INPP5B: variants seen among roughly 807,000 people sequenced by gnomAD.
INPP5B encodes type II inositol 1,4,5-trisphosphate 5-phosphatase.
A neutral mutation model predicts 118.5 loss-of-function variants in INPP5B; 90 were observed. That is an observed-to-expected ratio of 0.76 (90% CI 0.64 to 0.90). INPP5B has a LOEUF of 0.90. Ranked by LOEUF, INPP5B falls within the 40% of genes least tolerant of loss-of-function variation. INPP5B has a pLI of 0.00. For missense variants in INPP5B, 984 were observed against 1,125.6 expected (o/e 0.87, Z 1.80); for synonymous variants, 385 against 418.9 (o/e 0.92, Z 0.99).
rs1644537558 is a variant in INPP5B at position 37,907,414 on chromosome 1, A to G, written c.533-15960T>C. Among the ~76,000 whole-genome samples, 1 of 152,206 alleles carries G rather than the reference A, an allele frequency of 6.6e-6. No individual in the cohort carries two copies. On this transcript the variant is annotated intron_variant, in intron 7 of 23. Coordinates refer to ENST00000373024, the MANE Select transcript of INPP5B (RefSeq NM_005540.3). The surrounding 1 kb of genome is among the most constrained non-coding windows in gnomAD (Gnocchi z 4.3). ...CCTATTCAGCATGAAGAAGTTACAG[A>G]AGATGGATTTTCATCCCTTTGCAAC...
intron 19 of INPP5B, among the ~76,000 whole-genome samples, chr1:37,870,389 T>C (rs766823780): frequency 1.3e-5 from 2 of 152,212 alleles, no homozygotes; most frequent in Non-Finnish European, 2.9e-5. Context: ...AGGATTACAA[T>C]TGTGAGTCAC....
intron 7 of INPP5B, among the ~76,000 whole-genome samples, chr1:37,921,466 C>A (rs1645050357): frequency 6.6e-6 from 1 of 152,146 alleles, no homozygotes; most frequent in Non-Finnish European, 1.5e-5. Flanking sequence ...AGTTAAATAA[C>A]CATGTTTAGT....
At position 37,875,735 on chromosome 1, in the gene INPP5B, A is replaced by G. The variant is rs1169004578; in HGVS notation, c.1678-19T>C. On this transcript the variant is annotated intron_variant, in intron 16 of 23. Coordinates refer to ENST00000373024, the MANE Select transcript of INPP5B (RefSeq NM_005540.3). ...CCCTCACCTGAAAGGGAAACATCAG[A>G]GACTGAGTACCTTGGCTTCTGCCCA... The G allele has an allele frequency of 1.9e-6, 3 of 1,577,706 alleles. No homozygotes were observed. In the East Asian group the frequency reaches 6.7e-5, roughly 35 times the overall value.
intron 6 of INPP5B, among the ~76,000 whole-genome samples, chr1:37,938,270 AAAATAAATAAAT>A (rs71057106): frequency 8.4e-6 from 1 of 118,750 alleles, no homozygotes; most frequent in Non-Finnish European, 2.0e-5. Flanking sequence ...CTCTGTCTCA[AAAATAAATAAAT>A]AAATAAATAA....
chr1:37,895,073 A>C (rs569704260), intron 7 of INPP5B, among the ~76,000 whole-genome samples: 20 of 152,346 alleles, frequency 1.3e-4, no homozygotes, highest in African/African-American at 4.3e-4. Flanking sequence ...TCACTGAGCT[A>C]TAATAAAGCT....
intron 7 of INPP5B, among the ~76,000 whole-genome samples, chr1:37,899,446 C>T (rs1166947867): frequency 1.3e-5 from 2 of 151,770 alleles, no homozygotes; most frequent in Non-Finnish European, 2.9e-5. Context: ...CCTGTAATCC[C>T]AGCTACTCAG....
intron 7 of INPP5B, chr1:37,929,935 T>C (rs1018110072): frequency 6.6e-6 from 1 of 152,286 alleles, no homozygotes; most frequent in African/African-American, 2.4e-5. Flanking sequence ...AGTTTCGCCA[T>C]GTTGGCCAGG....
At chr1:37,942,941 G>A (rs1645986493) in intron 5 of INPP5B, among the ~76,000 whole-genome samples, 2 of 148,692 alleles carry the variant, frequency 1.3e-5, no homozygotes, top group Admixed American at 1.3e-4. Context: ...GGAAGGGAGG[G>A]AGGGAGGGAC....
At chr1:37,889,261 A>G (rs2148516243) in intron 9 of INPP5B, among the ~76,000 whole-genome samples, 1 of 152,270 alleles carries the variant, frequency 6.6e-6, no homozygotes, top group South Asian at 2.1e-4. Context: ...TAAATAAATA[A>G]AAGAATCAGG....
intron 6 of INPP5B, among the ~76,000 whole-genome samples, chr1:37,935,109 G>A (rs545602128): frequency 2.7e-4 from 40 of 149,102 alleles, no homozygotes; most frequent in Non-Finnish European, 5.1e-4. Flanking sequence ...GCTGAGGTGG[G>A]AGAATGGCGT....
rs1643725237 is a variant in INPP5B at position 37,889,605 on chromosome 1, G to T, written c.749C>A (p.Ser250Ter). Residue 250 changes from serine to a stop codon, truncating the protein, a stop_gained, in exon 9 of 24, where the codon TCA (serine) becomes TAA (stop). Transcript: ENST00000373024. LOFTEE classifies it high-confidence loss of function. ...ATCCTCTTCTTTCTGTAGTAGATGT[G>T]ATTTCACAATTGTATCTCGCAGTCC... Reference protein sequence around the residue: ...KFGLRDTIVKSHLLQKEEDYT... With the variant: ...KFGLRDTIVK 6.2e-7 allele frequency: 1 copy of T among 1,613,856 alleles called. No individual in the cohort carries two copies. The highest frequency in any genetic ancestry group is 1.7e-5 in the Admixed American group (1 of 59,990).
Position 37,886,875 on chromosome 1 carries a change from A to T in INPP5B, c.1131+13T>A. On this transcript the variant is annotated intron_variant, in intron 12 of 23. Transcript: ENST00000373024. ...GGTCCTCAATGTGCCAAACAAACCAACCAAGGACTCACCATCCTCCCCATG... is the reference window on the plus strand; with the variant it reads ...GGTCCTCAATGTGCCAAACAAACCATCCAAGGACTCACCATCCTCCCCATG... The T allele has an allele frequency of 6.2e-7, 1 of 1,608,486 alleles. No individual in the cohort carries two copies. The highest frequency in any genetic ancestry group is 1.1e-5 in the South Asian group (1 of 90,918).
At chr1:37,900,129 T>C (rs1488751857) in intron 7 of INPP5B, among the ~76,000 whole-genome samples, 8 of 147,494 alleles carry the variant, frequency 5.4e-5, no homozygotes, top group Non-Finnish European at 1.0e-4. Flanking sequence ...TCACCCAGGC[T>C]AGAGTGCAGT....
chr1:37,927,802 G>A (rs1570343634), intron 7 of INPP5B, among the ~76,000 whole-genome samples: 1 of 152,128 alleles, frequency 6.6e-6, no homozygotes, highest in African/African-American at 2.4e-5. Flanking sequence ...CTCCCAAAGT[G>A]CAGGGATTAC....
At chr1:37,942,032 T>C (rs941522751) in intron 5 of INPP5B, 2 of 142,782 alleles carry the variant, frequency 1.4e-5, no homozygotes, top group African/African-American at 2.6e-5. Flanking sequence ...TAAGTTTGAA[T>C]CTTGGTTCCA....
intron 23 of INPP5B, 84 bp from the exon 24 acceptor site, chr1:37,862,514 T>C: frequency 1.2e-6 from 1 of 841,234 alleles, no homozygotes; most frequent in Non-Finnish European, 2.0e-6. Context: ...GGATATGTTC[T>C]GAGAAATGTG....
chr1:37,885,855 T>C (rs758555210), intron 12 of INPP5B, 30 bp from the exon 13 acceptor site: 2 of 1,603,800 alleles, frequency 1.2e-6, no homozygotes, highest in Non-Finnish European at 1.7e-6. Context: ...AGAAATCCAA[T>C]TCAAACTTAA....
intron 7 of INPP5B, among the ~76,000 whole-genome samples, chr1:37,915,311 C>T (rs940278286): frequency 6.6e-6 from 1 of 152,234 alleles, no homozygotes; most frequent in Admixed American, 6.5e-5. Flanking sequence ...TACTACATAA[C>T]AACCCCAGCA....
At chr1:37,887,084 G>T in intron 11 of INPP5B, 80 bp from the exon 12 acceptor site, 1 of 1,187,668 alleles carries the variant, frequency 8.4e-7, no homozygotes, top group Non-Finnish European at 1.2e-6. Flanking sequence ...CTGGAAGCTG[G>T]CTGAGAGTAT....
Sources: gnomAD v4.1 joint callset for allele counts (sites outside exome capture counted in the v4.1 genomes callset) on GRCh38, gnomAD v4.1.1 for gene constraint, Gnocchi (gnomAD v3.1) non-coding constraint, MANE v1.5 for transcripts, NCBI Gene and HGNC (gene_info 2026-07-23, HGNC 2026-07-21) for gene names.